Variants in LRIF1 observed in about 807,000 individuals in gnomAD.
The protein encoded by LRIF1 is ligand-dependent nuclear receptor-interacting factor 1.
A neutral mutation model predicts 52.7 loss-of-function variants in LRIF1; 32 were observed. That is an observed-to-expected ratio of 0.61 (90% CI 0.46 to 0.82). The LOEUF is 0.82. Ranked by LOEUF, LRIF1 falls within the 40% of genes least tolerant of loss-of-function variation. LRIF1 has a pLI of 0.00. For missense variants in LRIF1, 887 were observed against 892.0 expected, an observed-to-expected ratio of 0.99 and a Z score of 0.07; for synonymous variants, 323 against 317.4, an observed-to-expected ratio of 1.02 and a Z score of -0.19.
chr1:110,886,089 CT>C, the LRIF1 span, among the ~76,000 whole-genome samples: 3 of 151,820 alleles, frequency 2.0e-5, no homozygotes, highest in Non-Finnish European at 1.5e-5. Flanking sequence ...TCTTAAAGTC[CT>C]TTTTTTAAGT....
chr1:110,891,371 T>G, the LRIF1 span: 1 of 1,550,132 alleles, frequency 6.5e-7, no homozygotes, highest in African/African-American at 1.4e-5. Flanking sequence ...GTAACTTACT[T>G]TCTTCTTCCT....
At chr1:110,890,674 T>C in the LRIF1 span, among the ~76,000 whole-genome samples, 37 of 152,234 alleles carry the variant, frequency 2.4e-4, no homozygotes, top group African/African-American at 8.7e-4. Context: ...ACATTGGACA[T>C]TGATGTCCTC....
At chr1:110,936,358 C>G in the LRIF1 span, 3 of 152,010 alleles carry the variant, frequency 2.0e-5, no homozygotes, top group Non-Finnish European at 2.9e-5. Flanking sequence ...AAAGACTGAC[C>G]AATGAACCAA....
chr1:110,886,491 G>A, the LRIF1 span, among the ~76,000 whole-genome samples: 3 of 152,164 alleles, frequency 2.0e-5, no homozygotes, highest in Middle Eastern at 3.4e-3. Flanking sequence ...AGAGACTCCA[G>A]TGACATGTAT....
At chr1:110,881,874 A>AT in the LRIF1 span, among the ~76,000 whole-genome samples, 3 of 151,870 alleles carry the variant, frequency 2.0e-5, no homozygotes, top group Admixed American at 2.0e-4. Flanking sequence ...GAAGTAGAGA[A>AT]TTTTTTTCAT....
the LRIF1 span, chr1:110,941,805 G>C: frequency 9.9e-5 from 15 of 152,056 alleles, no homozygotes; most frequent in Admixed American, 7.9e-4. Context: ...TATAATCAAA[G>C]AAATGTTACT....
chr1:110,949,936 T>A lies in LRIF1; in HGVS notation c.1784A>T (p.Glu595Val). ...TRIPDHLTSG[E>V]GFDSFSSLVK... ...CAAACTGCTAAAGGAATCGAAACCTTCTCCAGAGGTCAAATGGTCAGGAAT... is the reference window on the plus strand; with the variant it reads ...CAAACTGCTAAAGGAATCGAAACCTACTCCAGAGGTCAAATGGTCAGGAAT... The change falls in exon 3 of 4, where the codon GAA (glutamate) becomes GTA (valine). Residue 595 changes from glutamate to valine, a missense_variant. Physicochemically the swap from Glu to Val is moderately radical, Grantham distance 121. Transcript: ENST00000369763. 6.2e-7 allele frequency: 1 copy of A among 1,614,096 alleles called. No individual in the cohort carries two copies. Among genetic ancestry groups the A allele is most frequent in the African/African-American group, 1.3e-5 (1 of 75,018 alleles).
rs146605389 is a variant in LRIF1, at chr1:110,948,048, G to C, written c.2221C>G (p.Arg741Gly). 4 of 1,613,316 alleles carry C rather than the reference G, an allele frequency of 2.5e-6. No homozygotes were observed. The African/African-American group carries it at 5.3e-5, about 22-fold the overall frequency. The change falls in exon 4 of 4, where the codon CGA becomes GGA. Residue 741 changes from arginine to glycine, a missense_variant. Physicochemically the swap from Arg to Gly is moderately radical, Grantham distance 125 (BLOSUM62 -2). Coordinates refer to ENST00000369763, the MANE Select transcript of LRIF1 (RefSeq NM_018372.4). Reference sequence around the variant, plus strand: ...TTAAGTCTTCTTATTTTTTCATCTCGAATGGTTTCTTCTAACTCCGGTGGT... The same window carrying C: ...TTAAGTCTTCTTATTTTTTCATCTCCAATGGTTTCTTCTAACTCCGGTGGT... The part of the protein sequence containing the change: ...VTPPELEETI[R>G]DEKIRRLKQV...
chr1:110,963,291 G>T (rs896239723), intron 1 of LRIF1: 2 of 186,978 alleles, frequency 1.1e-5, no homozygotes, highest in African/African-American at 4.7e-5. Flanking sequence ...GCGTGTGCGT[G>T]AGAATCTTCC....
At position 110,952,126 on chromosome 1, in the gene LRIF1, G is replaced by T. The variant is rs767977382; in HGVS notation, c.758C>A (p.Pro253His). The change falls in exon 2 of 4, where the codon CCT (proline) becomes CAT (histidine). Residue 253 changes from proline (P) to histidine (H), a missense_variant. Transcript: ENST00000369763. ...TACTGGCTTTGCTATTTCTGTAACA[G>T]GTTTTGGGTAAATGTTTTGAAAGTT... ...TKNFQNIYPK[P>H]VTEIAKPVIL... The T allele has an allele frequency of 1.9e-6, 3 of 1,613,990 alleles. No individual in the cohort carries two copies. In the African/African-American group the frequency reaches 4.0e-5, roughly 22 times the overall value.
the LRIF1 span, chr1:110,939,778 C>A: frequency 6.6e-6 from 1 of 152,108 alleles, no homozygotes; most frequent in Admixed American, 6.5e-5. Flanking sequence ...ACTAGATATC[C>A]ACATGCAGAA....
chr1:110,962,675 A>G (rs1659009204), intron 1 of LRIF1, among the ~76,000 whole-genome samples: 1 of 152,196 alleles, frequency 6.6e-6, no homozygotes, highest in African/African-American at 2.4e-5. Flanking sequence ...CAGACTGGAA[A>G]CAGGTACCTG....
the LRIF1 span, among the ~76,000 whole-genome samples, chr1:110,915,458 A>AG: frequency 6.6e-6 from 1 of 152,130 alleles, no homozygotes; most frequent in East Asian, 1.9e-4. Flanking sequence ...AATGCACTCC[A>AG]GCCTGGGCGA....
intron 1 of LRIF1, among the ~76,000 whole-genome samples, chr1:110,962,323 A>G (rs555491675): frequency 9.3e-4 from 141 of 152,260 alleles, no homozygotes; most frequent in African/African-American, 3.2e-3. Context: ...AAAGAAAAAA[A>G]CACACAAGTA....
chr1:110,951,156 C>T, intron 2 of LRIF1, 132 bp downstream of exon 2: 1 of 709,124 alleles, frequency 1.4e-6, no homozygotes, highest in South Asian at 2.1e-5. Context: ...CTTAAATACT[C>T]ATATGTGTAT....
chr1:110,899,101 A>G, the LRIF1 span: 10 of 1,607,288 alleles, frequency 6.2e-6, no homozygotes, highest in South Asian at 1.1e-5. Flanking sequence ...GAAGACTTCA[A>G]ATTTTCCCAA....
chr1:110,925,230 G>A, the LRIF1 span, among the ~76,000 whole-genome samples: 2 of 152,096 alleles, frequency 1.3e-5, no homozygotes, highest in Non-Finnish European at 2.9e-5. Context: ...ATCAGTTGAA[G>A]GCCTTAAGAA....
the LRIF1 span, among the ~76,000 whole-genome samples, chr1:110,906,201 T>G: frequency 6.6e-6 from 1 of 152,112 alleles, no homozygotes; most frequent in Non-Finnish European, 1.5e-5. Context: ...TTATTGGGTA[T>G]AAAATCAATA....
At chr1:110,955,940 G>A (rs146541590) in intron 1 of LRIF1, among the ~76,000 whole-genome samples, 1 of 152,194 alleles carries the variant, frequency 6.6e-6, no homozygotes, top group Non-Finnish European at 1.5e-5. Flanking sequence ...CAGGTGGAGG[G>A]ACTCAACCTT....
Sources: gnomAD v4.1 joint callset for allele counts (sites outside exome capture counted in the v4.1 genomes callset) on GRCh38, gnomAD v4.1.1 for gene constraint, MANE v1.5 for transcripts, NCBI Gene and HGNC (gene_info 2026-07-23, HGNC 2026-07-21) for gene names.